Variants in CHD8 observed in about 807,000 individuals in gnomAD.
The protein encoded by CHD8 is chromodomain helicase DNA binding protein 8.
CHD8 carries 31 observed loss-of-function variants against 279.2 expected under a neutral mutation model. The ratio of observed to expected loss-of-function variants is 0.11; its 90% CI spans 0.08 to 0.15. The LOEUF (loss-of-function observed/expected upper bound fraction) is 0.15. Among genes scored for constraint, CHD8 ranks in the 10% least tolerant of loss-of-function variants. CHD8 has a pLI of 1.00. For missense variants in CHD8, 2,146 were observed against 3,230.5 expected (o/e 0.66, Z 8.14); for synonymous variants, 1,081 against 1,139.6 (o/e 0.95, Z 1.04).
In CHD8 at chr14:21,431,232, C is replaced by G. The variant is rs767023297; in HGVS notation, c.412G>C (p.Val138Leu). ...ILSQGNPFMG[V>L]SATAVSSSSA... ...CTGGAGGAGACAGCTGTGGCAGAGA[C>G]ACCCATGAAAGGATTCCCTTGGCTC... Residue 138 changes from valine (V) to leucine (L), a missense_variant, in exon 2 of 38, where the codon GTC (valine) becomes CTC (leucine). This residue lies in a region of CHD8 where 302 missense variants were observed against 325.5 expected (regional missense o/e 0.93). Transcript: ENST00000646647. 9.4e-6 allele frequency: 15 copies of G among 1,598,658 alleles called. No homozygotes were observed. The Middle Eastern group carries it at 4.9e-4, about 53-fold the overall frequency.
At chr14:21,437,249 TC>T in intron 1 of CHD8, 1 of 1,159,846 alleles carries the variant, frequency 8.6e-7, no homozygotes, top group Non-Finnish European at 1.1e-6. Context: ...CAGCACCAGT[TC>T]CCCCTCCTCC....
chr14:21,399,791 T>C (rs982273177), intron 25 of CHD8, 86 bp from the exon 26 acceptor site: 3 of 1,041,872 alleles, frequency 2.9e-6, no homozygotes, highest in Non-Finnish European at 4.5e-6. Context: ...GGTATCTTCC[T>C]GTATCCATTA....
chr14:21,389,759 A>G (rs1221848386), intron 37 of CHD8, among the ~76,000 whole-genome samples: 1 of 152,248 alleles, frequency 6.6e-6, no homozygotes, highest in Non-Finnish European at 1.5e-5. Context: ...TCATAAAAGT[A>G]TAAGTAAATT....
intron 25 of CHD8, 25 bp from the exon 26 acceptor site, chr14:21,399,730 A>G: frequency 6.8e-7 from 1 of 1,469,398 alleles, no homozygotes; most frequent in Non-Finnish European, 9.5e-7. Context: ...GGGCAGAGTC[A>G]GCACAGAAAT....
At chr14:21,412,546 C>A (rs150372025) in intron 10 of CHD8, among the ~76,000 whole-genome samples, 5 of 152,050 alleles carry the variant, frequency 3.3e-5, no homozygotes, top group Admixed American at 6.6e-5. Flanking sequence ...TAGGAGCGAG[C>A]CTGTAGAAGT....
intron 10 of CHD8, among the ~76,000 whole-genome samples, chr14:21,410,365 T>A (rs900564833): frequency 5.2e-4 from 79 of 152,188 alleles, no homozygotes; most frequent in African/African-American, 1.8e-3. Flanking sequence ...TTTGACACAG[T>A]GGCAGCTAGG....
chr14:21,397,974 T>C, intron 26 of CHD8, 22 bp from the exon 27 acceptor site: 1 of 1,587,542 alleles, frequency 6.3e-7, no homozygotes, highest in Non-Finnish European at 8.6e-7. Flanking sequence ...AGGGTCATAG[T>C]TGAAGAAAAT....
In CHD8 at chr14:21,391,923, G is replaced by A. The variant is rs747289672; in HGVS notation, c.6795C>T (p.Phe2265=). The change falls in exon 35 of 38, where the codon TTC becomes TTT. Residue 2265 remains phenylalanine (F), a synonymous_variant. Coordinates refer to ENST00000646647, the MANE Select transcript of CHD8 (RefSeq NM_001170629.2). ...CATTCGCCATCAACTTGTGCTTCTG[G>A]AATGTTAACTTCAATCCTTCCTCCT... ...IKDEEGLKLT[F]QKHKLMANGV... 9 of 1,613,544 alleles carry A rather than the reference G, an allele frequency of 5.6e-6. No individual in the cohort carries two copies. Among genetic ancestry groups the A allele is most frequent in the Non-Finnish European group, 7.6e-6 (9 of 1,179,578 alleles).
In CHD8 at chr14:21,405,327, A is replaced by G; in HGVS notation, c.3189T>C (p.Ala1063=). ...LTNIQKKYYR[A]ILEKNFSFLS... ...GGAAGGAGAAATTCTTCTCCAAAAT[A>G]GCCCGATAGTATTTCTTCTGGATAT... Residue 1063 remains alanine, a synonymous_variant, in exon 16 of 38, where the codon GCT becomes GCC. Transcript: ENST00000646647. This position sits in a 1 kb window ranked among gnomAD's most constrained non-coding sequence, Gnocchi z 4.2. The G allele has an allele frequency of 6.2e-7, 1 of 1,609,520 alleles. No individual in the cohort carries two copies. The highest frequency in any genetic ancestry group is 8.5e-7 in the Non-Finnish European group (1 of 1,177,538).
chr14:21,399,511 T>G (rs1288407064), intron 26 of CHD8, 91 bp downstream of exon 26: 2 of 858,674 alleles, frequency 2.3e-6, no homozygotes, highest in Non-Finnish European at 4.0e-6. Flanking sequence ...ATCAGATAAC[T>G]GAGTTATTTC....
chr14:21,407,742 G>A (rs939393930), intron 13 of CHD8, among the ~76,000 whole-genome samples: 2 of 151,946 alleles, frequency 1.3e-5, no homozygotes, highest in African/African-American at 4.8e-5. Flanking sequence ...CTGAATAGCT[G>A]GGATTACAGG....
chr14:21,392,308 A>G (rs1390713495), intron 34 of CHD8, 199 bp downstream of exon 34: 2 of 768,324 alleles, frequency 2.6e-6, no homozygotes, highest in East Asian at 2.5e-5. Flanking sequence ...TTGAATATTA[A>G]TAGGATTAAT....
Position 21,405,600 on chromosome 14 carries a change from A to T in CHD8, c.3051+121T>A. 1 of 1,443,498 alleles carries T rather than the reference A, an allele frequency of 6.9e-7. No homozygotes were observed. Among genetic ancestry groups the T allele is most frequent in the Non-Finnish European group, 9.4e-7 (1 of 1,060,152 alleles). 89.4% of individuals were successfully genotyped at this position (1,443,498 alleles called of 1,614,324 possible). ...CTTTGGATGATGCCACAAATGATGT[A>T]GGCACAAGGTTATAAGGAGTTCAGA... On this transcript the variant is annotated intron_variant, in intron 15 of 37. Transcript: ENST00000646647. This position sits in a 1 kb window ranked among gnomAD's most constrained non-coding sequence, Gnocchi z 4.2.
intron 1 of CHD8, chr14:21,437,342 C>T (rs920855206): frequency 2.3e-5 from 21 of 909,474 alleles, no homozygotes; most frequent in Non-Finnish European, 2.8e-5. Context: ...GGCGAAAAGA[C>T]GCAAAACAGC....
intron 1 of CHD8, among the ~76,000 whole-genome samples, chr14:21,448,266 T>A (rs1452169873): frequency 1.3e-5 from 2 of 152,226 alleles, no homozygotes; most frequent in African/African-American, 4.8e-5. Flanking sequence ...GAAATTTTAA[T>A]GGGCTAAACT....
intron 2 of CHD8, chr14:21,429,755 G>T (rs770702803): frequency 3.1e-5 from 9 of 293,238 alleles, no homozygotes; most frequent in Non-Finnish European, 4.8e-5. Context: ...TGATCCTCCC[G>T]CTTCAGCCTC....
In CHD8 at chr14:21,402,507, G is replaced by A. The variant is rs1336332450; in HGVS notation, c.3715-4C>T. 1 of 1,572,306 alleles carries A rather than the reference G, an allele frequency of 6.4e-7. No individual in the cohort carries two copies. Among genetic ancestry groups the A allele is most frequent in the Non-Finnish European group, 8.6e-7 (1 of 1,161,380 alleles). On this transcript the variant is annotated splice_polypyrimidine_tract_variant and splice_region_variant and intron_variant, in intron 18 of 37. Coordinates refer to ENST00000646647, the MANE Select transcript of CHD8 (RefSeq NM_001170629.2). This position sits in a 1 kb window ranked among gnomAD's most constrained non-coding sequence, Gnocchi z 4.5. ...TTCGATGACATCGTGCCTGGGCCTGGTTTAAAATAAAAACGAAAGGAAAGG... is the reference window on the plus strand; with the variant it reads ...TTCGATGACATCGTGCCTGGGCCTGATTTAAAATAAAAACGAAAGGAAAGG...
rs778542189 is a variant in CHD8, at chr14:21,394,983, C to T, written c.5319G>A (p.Gly1773=). The T allele has an allele frequency of 1.2e-6, 2 of 1,614,036 alleles. No homozygotes were observed. The highest frequency in any genetic ancestry group is 1.7e-6 in the Non-Finnish European group (2 of 1,179,900). ...CTTCACAACGCCGCCTTCGCCGGTC[C>T]CCACGTTCTGCAGCCTCTATCTTCA... The part of the protein sequence containing the change: ...EQMKIEAAER[G]DRRRRRCEAA... Residue 1773 remains glycine (G), a synonymous_variant, in exon 30 of 38, where the codon GGG becomes GGA. Coordinates refer to ENST00000646647, the MANE Select transcript of CHD8 (RefSeq NM_001170629.2).
At chr14:21,437,312 G>A (rs1177682725) in intron 1 of CHD8, 1 of 1,116,990 alleles carries the variant, frequency 9.0e-7, no homozygotes, top group East Asian at 7.0e-5. Flanking sequence ...ATTGGCTGAA[G>A]CGCACTGCCA....
Sources: gnomAD v4.1 joint callset for allele counts (sites outside exome capture counted in the v4.1 genomes callset) on GRCh38, gnomAD v4.1.1 for gene constraint, gnomAD v4.1.1 regional missense constraint, Gnocchi (gnomAD v3.1) non-coding constraint, MANE v1.5 for transcripts, NCBI Gene and HGNC (gene_info 2026-07-23, HGNC 2026-07-21) for gene names.